The following USP28 variants were observed in gnomAD, a reference collection of about 807,000 sequenced individuals.
The protein encoded by USP28 is ubiquitin specific peptidase 28, also known as ubiquitin carboxyl-terminal hydrolase 28.
In USP28, 113 loss-of-function variants were observed where a neutral mutation model predicts 145.0. That is an observed-to-expected ratio of 0.78 (90% CI 0.67 to 0.91). The LOEUF is 0.91. USP28 is among the 40% of genes least tolerant of loss of function. The pLI, the probability that USP28 is intolerant of heterozygous loss-of-function variation, is 0.00. For missense variants in USP28, 1,201 were observed against 1,289.6 expected, an observed-to-expected ratio of 0.93 and a Z score of 1.05; for synonymous variants, 447 against 450.9, an observed-to-expected ratio of 0.99 and a Z score of 0.11.
At chr11:113,841,844 G>T in intron 3 of USP28, 76 bp from the exon 4 acceptor site, 1 of 971,652 alleles carries the variant, frequency 1.0e-6, no homozygotes. Context: ...AAAAGGTAAA[G>T]ACATACTCCC....
At chr11:113,814,440 C>T (rs552762953) in intron 14 of USP28, among the ~76,000 whole-genome samples, 1 of 152,246 alleles carries the variant, frequency 6.6e-6, no homozygotes, top group African/African-American at 2.4e-5. Context: ...GAATACAATG[C>T]TGAATAATCC....
At chr11:113,837,434 A>C (rs1260547616) in intron 5 of USP28, among the ~76,000 whole-genome samples, 1 of 152,186 alleles carries the variant, frequency 6.6e-6, no homozygotes, top group African/African-American at 2.4e-5. Flanking sequence ...CCCAGGCTGC[A>C]CCCAAAAATA....
intron 1 of USP28, among the ~76,000 whole-genome samples, chr11:113,870,280 A>G (rs572233660): frequency 1.3e-5 from 2 of 152,208 alleles, no homozygotes; most frequent in Non-Finnish European, 2.9e-5. Flanking sequence ...TAATCCCAAC[A>G]CTTTGGGAGG....
intron 6 of USP28, 132 bp from the exon 7 acceptor site, chr11:113,833,689 A>G: frequency 1.2e-6 from 1 of 826,686 alleles, no homozygotes; most frequent in Non-Finnish European, 1.9e-6. Context: ...TCACAGGGCT[A>G]TGTGTGTTAC....
At chr11:113,828,720 GA>G in intron 10 of USP28, 7 of 310,288 alleles carry the variant, frequency 2.3e-5, no homozygotes, top group South Asian at 1.1e-4. Flanking sequence ...TTCCAACCCA[GA>G]AAAAAAATAG....
intron 5 of USP28, among the ~76,000 whole-genome samples, chr11:113,840,010 C>CAGAAAGAAAAAAACA (rs1170037907): frequency 6.6e-6 from 1 of 151,972 alleles, no homozygotes; most frequent in Admixed American, 6.6e-5. Context: ...GACACTGTGT[C>CAGAAAGAAAAAAACA]AGAAAGAAAA....
At chr11:113,804,637 T>C in intron 21 of USP28, 36 bp downstream of exon 22, 1 of 1,578,468 alleles carries the variant, frequency 6.3e-7, no homozygotes, top group African/African-American at 1.4e-5. Flanking sequence ...CAGGAATTAA[T>C]GTTTTTGCTC....
chr11:113,807,262 AG>A (rs1193166325), intron 18 of USP28, among the ~76,000 whole-genome samples: 6 of 152,100 alleles, frequency 3.9e-5, no homozygotes, highest in African/African-American at 1.4e-4. Context: ...TAGTAGAGAC[AG>A]GGGTTTCACC....
At chr11:113,871,958 C>T (rs1948863833) in intron 1 of USP28, among the ~76,000 whole-genome samples, 1 of 152,116 alleles carries the variant, frequency 6.6e-6, no homozygotes, top group African/African-American at 2.4e-5. Flanking sequence ...TGTACCATAT[C>T]CTCACTGGGT....
In USP28 at chr11:113,812,352, ATCTC is replaced by A. The variant is rs756182137; in HGVS notation, c.1892_1895del (p.Arg631IlefsTer6). 1 of 1,614,138 alleles carries A rather than the reference ATCTC, an allele frequency of 6.2e-7. No homozygotes were observed. The highest frequency in any genetic ancestry group is 1.7e-5 in the Admixed American group (1 of 60,014). ...TAACATTTCTCAGGCCTCCATAGGA[ATCTC>A]TTTCAACTTCTTCCCAGGAAGATTC... On this transcript the variant is annotated frameshift_variant, in exon 16 of 25. Transcript: ENST00000003302. LOFTEE classifies it high-confidence loss of function.
intron 18 of USP28, among the ~76,000 whole-genome samples, chr11:113,807,232 C>G (rs967319444): frequency 6.6e-6 from 1 of 152,058 alleles, no homozygotes; most frequent in African/African-American, 2.4e-5. Context: ...GCCACCATGC[C>G]CAGCTAATTT....
chr11:113,846,319 CCA>C (rs1945842966), intron 3 of USP28, among the ~76,000 whole-genome samples: 1 of 151,984 alleles, frequency 6.6e-6, no homozygotes, highest in Non-Finnish European at 1.5e-5. Context: ...GTATGTTTTA[CCA>C]AAAAAGACTG....
At chr11:113,826,337 ATTTTTTTTTT>A (rs71063527) in intron 11 of USP28, among the ~76,000 whole-genome samples, 1 of 50,736 alleles carries the variant, frequency 2.0e-5, no homozygotes, top group Non-Finnish European at 3.3e-5. Flanking sequence ...CACCACACCC[ATTTTTTTTTT>A]TTTTTTTTTT....
intron 12 of USP28, among the ~76,000 whole-genome samples, chr11:113,818,579 C>T (rs889691725): frequency 1.3e-5 from 2 of 152,114 alleles, no homozygotes; most frequent in Admixed American, 6.5e-5. Flanking sequence ...CAATTTTCAG[C>T]TGGGCATGGT....
intron 13 of USP28, 23 bp downstream of exon 13, chr11:113,817,635 T>TA (rs146489349): frequency 0.13 from 170,505 of 1,272,402 alleles, 4,141 homozygotes; most frequent in Non-Finnish European, 0.15. Flanking sequence ...TACATACCAT[T>TA]AAAAAAAAAA....
chr11:113,822,891 G>A (rs925066784), intron 12 of USP28, among the ~76,000 whole-genome samples: 1 of 152,126 alleles, frequency 6.6e-6, no homozygotes, highest in Admixed American at 6.5e-5. Context: ...GGAAAGTGTT[G>A]CCCTTCAGGG....
intron 19 of USP28, among the ~76,000 whole-genome samples, chr11:113,806,220 G>A (rs1713670): frequency 0.5 from 75,473 of 151,884 alleles, 19,756 homozygotes; most frequent in South Asian, 0.59. Flanking sequence ...TTACAGGTGT[G>A]AGCCACTGTG....
At chr11:113,838,866 CAG>C (rs1370955045) in intron 5 of USP28, among the ~76,000 whole-genome samples, 7 of 152,212 alleles carry the variant, frequency 4.6e-5, no homozygotes, top group Admixed American at 2.0e-4. Flanking sequence ...CTGGATGTAG[CAG>C]ATGTGTAGAA....
chr11:113,802,543 A>G (rs1214145918), intron 23 of USP28, among the ~76,000 whole-genome samples: 2 of 152,206 alleles, frequency 1.3e-5, no homozygotes, highest in Non-Finnish European at 2.9e-5. Context: ...GACACACATC[A>G]CATAAACCCC....
Sources: allele counts gnomAD v4.1 joint callset (sites outside exome capture counted in the v4.1 genomes callset), GRCh38; gene constraint gnomAD v4.1.1; transcripts MANE v1.5; gene names NCBI Gene and HGNC (gene_info 2026-07-23, HGNC 2026-07-21).